The following SLC25A23 variants were observed in gnomAD, a reference collection of about 807,000 sequenced individuals.
SLC25A23 encodes the protein solute carrier family 25 member 23.
SLC25A23 carries 32 observed loss-of-function variants against 53.9 expected under a neutral mutation model. That is an observed-to-expected ratio of 0.59 (90% CI 0.45 to 0.80). SLC25A23 has a LOEUF of 0.80. Among genes scored for constraint, SLC25A23 ranks in the 30% least tolerant of loss-of-function variants. The probability of loss-of-function intolerance (pLI) is 0.00; values close to 1 mark genes in which losing one functional copy is unlikely to be tolerated. For synonymous variants in SLC25A23, 275 were observed against 264.5 expected, an observed-to-expected ratio of 1.04 and a Z score of -0.38; for missense variants, 575 against 651.4, an observed-to-expected ratio of 0.88 and a Z score of 1.28.
chr19:6,450,133 T>G (rs1173147516), intron 8 of SLC25A23, among the ~76,000 whole-genome samples: 1 of 151,828 alleles, frequency 6.6e-6, no homozygotes, highest in Non-Finnish European at 1.5e-5. Flanking sequence ...GCTGGGATTA[T>G]AGGTGTGAGC....
chr19:6,452,195 A>G, intron 8 of SLC25A23, 117 bp downstream of exon 8: 2 of 1,421,752 alleles, frequency 1.4e-6, no homozygotes, highest in Non-Finnish European at 1.9e-6. Context: ...TCACCTCATA[A>G]CTGCCTTTCT....
chr19:6,443,421 T>A, intron 9 of SLC25A23: 1 of 523,274 alleles, frequency 1.9e-6, no homozygotes, highest in Non-Finnish European at 3.4e-6. Flanking sequence ...AAAGATGGGG[T>A]CTTGCTATGT....
intron 4 of SLC25A23, chr19:6,455,895 T>C: frequency 3.3e-6 from 2 of 614,266 alleles, no homozygotes; most frequent in Admixed American, 3.1e-5. Context: ...ATTTTTTTAA[T>C]ATTTTTGTAG....
Position 6,445,926 on chromosome 19 carries a change from A to C in SLC25A23, c.1072-1625T>G, listed in dbSNP as rs190118776. On this transcript the variant is annotated intron_variant, in intron 8 of 9. Coordinates refer to ENST00000301454, the MANE Select transcript of SLC25A23 (RefSeq NM_024103.3). ...ACACACAAACAAACAAACAAACAAAAAAAAACTGGATGTGATGGTGCATGC... is the reference window on the plus strand; with the variant it reads ...ACACACAAACAAACAAACAAACAAACAAAAACTGGATGTGATGGTGCATGC... 6.2e-4 allele frequency among the ~76,000 whole-genome samples: 94 copies of C among 150,990 alleles called. 1 individual carries two copies. Among genetic ancestry groups the C allele is most frequent in the South Asian group, 1.3e-3 (6 of 4,800 alleles).
intron 2 of SLC25A23, 50 bp downstream of exon 2, chr19:6,458,148 C>A: frequency 6.3e-7 from 1 of 1,598,206 alleles, no homozygotes; most frequent in South Asian, 1.1e-5. Context: ...GTCTCTAGGG[C>A]CCCCACAGCC....
rs1346012758 is a variant in SLC25A23 at position 6,443,576 on chromosome 19, A to T, written c.1222+575T>A. The T allele has an allele frequency of 4.3e-6, 3 of 702,528 alleles. No homozygotes were observed. The East Asian group carries it at 8.0e-5, about 19-fold the overall frequency. 43.5% of individuals were successfully genotyped at this position (702,528 alleles called of 1,614,324 possible). A position where few individuals can be genotyped will look rare whatever the true frequency, so the allele number is the denominator to read the frequency against. On this transcript the variant is annotated intron_variant, in intron 9 of 9. Coordinates refer to ENST00000301454, the MANE Select transcript of SLC25A23 (RefSeq NM_024103.3). Reference sequence around the variant, plus strand: ...TAAATCAATACTTAATTCCAGAATGATTTATTTAGCATCTTCCTTCCTCTC... The same window carrying T: ...TAAATCAATACTTAATTCCAGAATGTTTTATTTAGCATCTTCCTTCCTCTC...
chr19:6,449,541 A>G (rs1434335662), intron 8 of SLC25A23, among the ~76,000 whole-genome samples: 1 of 151,952 alleles, frequency 6.6e-6, no homozygotes, highest in Non-Finnish European at 1.5e-5. Context: ...CAGCCTCCCA[A>G]GCAGCTGGGA....
In SLC25A23 at chr19:6,452,390, G is replaced by A. The variant is rs267605748; in HGVS notation, c.993C>T (p.Pro331=). Residue 331 remains proline, a synonymous_variant, in exon 8 of 10, where the codon CCC becomes CCT. Transcript: ENST00000301454. ...GGAGGTAGCCGCGGTAGAAGGCACG[G>A]GGCCCCTCCCTCTCCAGGATACGCC... ...CARRILEREG[P]RAFYRGYLPN... 3.1e-6 allele frequency: 5 copies of A among 1,613,728 alleles called. No individual in the cohort carries two copies. The highest frequency in any genetic ancestry group is 4.2e-6 in the Non-Finnish European group (5 of 1,179,884).
In SLC25A23 at chr19:6,441,142, G is replaced by A. The variant is rs975047067; in HGVS notation, c.*833C>T. ...CCAGTGCCTGGGGGTGGAAGGCGTA[G>A]TGCTTGAAATGCAGGGATCTGGCAG... On this transcript the variant is annotated 3_prime_UTR_variant, in exon 10 of 10. Transcript: ENST00000301454. The A allele has an allele frequency of 1.3e-5, 2 of 152,200 alleles. No individual in the cohort carries two copies. The highest frequency in any genetic ancestry group is 1.3e-4 in the Admixed American group (2 of 15,254). 9.4% of individuals were successfully genotyped at this position (152,200 alleles called of 1,614,324 possible).
At chr19:6,452,272 C>T (rs1231682543) in intron 8 of SLC25A23, 40 bp downstream of exon 8, 1 of 1,574,716 alleles carries the variant, frequency 6.4e-7, no homozygotes, top group East Asian at 2.4e-5. Context: ...GGGTAAATCC[C>T]AGAGGGGAGC....
chr19:6,445,094 T>C (rs1322472086), intron 8 of SLC25A23, among the ~76,000 whole-genome samples: 6 of 151,642 alleles, frequency 4.0e-5, no homozygotes, highest in African/African-American at 1.5e-4. Flanking sequence ...TGAGCCACCA[T>C]GCCTGGCACA....
intron 8 of SLC25A23, among the ~76,000 whole-genome samples, chr19:6,445,461 G>A (rs890802484): frequency 2.6e-5 from 4 of 152,154 alleles, no homozygotes; most frequent in Admixed American, 6.6e-5. Context: ...AAGCAGAAGC[G>A]AGAGAGAGAT....
Position 6,454,391 on chromosome 19 carries a change from G to T in SLC25A23, c.727C>A (p.Arg243Ser). ...VLEGGIRSLW[R>S]GNGINVLKIA... ...TTGAGTACATTAATACCATTGCCGC[G>T]CCACAGGGAGCGGATGCCTCCCTCA... Residue 243 changes from arginine to serine, a missense_variant, in exon 6 of 10, where the codon CGC becomes AGC. Arg to Ser is a moderately radical substitution (Grantham distance 110, BLOSUM62 -1). Transcript: ENST00000301454. This position sits in a 1 kb window ranked among gnomAD's most constrained non-coding sequence, Gnocchi z 4.3. 1 of 1,614,168 alleles carries T rather than the reference G, an allele frequency of 6.2e-7. No homozygotes were observed. The highest frequency in any genetic ancestry group is 8.5e-7 in the Non-Finnish European group (1 of 1,180,026).
downstream of SLC25A23, chr19:6,436,351 G>A (rs1014250235): frequency 2.2e-6 from 1 of 451,700 alleles, no homozygotes; most frequent in African/African-American, 2.0e-5. Context: ...TAGAATTGCA[G>A]TGAGATGTTG....
At chr19:6,439,745 G>A (rs2092392122), downstream of SLC25A23, among the ~76,000 whole-genome samples, 4 of 152,028 alleles carry the variant, frequency 2.6e-5, no homozygotes, top group South Asian at 2.1e-4. Context: ...TAGGAGAATC[G>A]CTTGAACCCG....
intron 4 of SLC25A23, among the ~76,000 whole-genome samples, chr19:6,455,602 C>T (rs1483236773): frequency 6.6e-6 from 1 of 152,136 alleles, no homozygotes; most frequent in Non-Finnish European, 1.5e-5. Flanking sequence ...GCCATCAGAT[C>T]CTACCAGACA....
chr19:6,456,494 C>T lies in SLC25A23; in HGVS notation c.409G>A (p.Glu137Lys). The change falls in exon 4 of 10, where the codon GAA (glutamate) becomes AAA (lysine). Residue 137 changes from glutamate to lysine, a missense_variant. Physicochemically the swap from Glu to Lys is moderately conservative, Grantham distance 56. Transcript: ENST00000301454. Reference sequence around the variant, plus strand: ...TGCAACAGGAAGTGGTCGCGCCATTCTTGCCAGTCAATGGTCATTGTGCCG... The same window carrying T: ...TGCAACAGGAAGTGGTCGCGCCATTTTTGCCAGTCAATGGTCATTGTGCCG... ...RDGTMTIDWQEWRDHFLLHSL... is the reference protein window; with the variant it reads ...RDGTMTIDWQKWRDHFLLHSL... 1 of 1,613,778 alleles carries T rather than the reference C, an allele frequency of 6.2e-7. No individual in the cohort carries two copies. The highest frequency in any genetic ancestry group is 8.5e-7 in the Non-Finnish European group (1 of 1,179,994).
rs372136336 is a variant in SLC25A23 at position 6,456,534 on chromosome 19, G to C, written c.372-3C>G. ...TCATTGTGCCGTCTCGGTCCATGCTGGGGGGAAGAAAGGGGGTGGAGGAGG... is the reference window on the plus strand; with the variant it reads ...TCATTGTGCCGTCTCGGTCCATGCTCGGGGGAAGAAAGGGGGTGGAGGAGG... On this transcript the variant is annotated splice_polypyrimidine_tract_variant and splice_region_variant and intron_variant, in intron 3 of 9. Coordinates refer to ENST00000301454, the MANE Select transcript of SLC25A23 (RefSeq NM_024103.3). The C allele has an allele frequency of 2.5e-6, 4 of 1,612,706 alleles. No individual in the cohort carries two copies. Among genetic ancestry groups the C allele is most frequent in the East Asian group, 2.2e-5 (1 of 44,866 alleles).
chr19:6,444,141 C>A lies in SLC25A23; in HGVS notation c.1222+10G>T. ...ACTCCCCCTGCCCCATCCTCCCGCC[C>A]AGGCCTCACCTTGTGCCTGCATGCG... On this transcript the variant is annotated intron_variant, in intron 9 of 9. Transcript: ENST00000301454. The A allele has an allele frequency of 6.4e-7, 1 of 1,560,128 alleles. No homozygotes were observed. The highest frequency in any genetic ancestry group is 2.3e-5 in the East Asian group (1 of 43,142).
Sources: gnomAD v4.1 joint callset for allele counts (sites outside exome capture counted in the v4.1 genomes callset) on GRCh38, gnomAD v4.1.1 for gene constraint, Gnocchi (gnomAD v3.1) non-coding constraint, MANE v1.5 for transcripts, NCBI Gene and HGNC (gene_info 2026-07-23, HGNC 2026-07-21) for gene names.